Variants in KCNH5 observed in about 807,000 individuals in gnomAD.
KCNH5 encodes the protein voltage-gated delayed rectifier potassium channel KCNH5.
Under a neutral mutation model 96.1 loss-of-function variants are expected in KCNH5, and 46 were observed. The ratio of observed to expected loss-of-function variants is 0.48; its 90% CI spans 0.38 to 0.61. The LOEUF (loss-of-function observed/expected upper bound fraction) is 0.61, where lower values mean the gene tolerates loss of function less well. KCNH5 is among the 20% of genes least tolerant of loss of function. The pLI is 0.00. For missense variants in KCNH5, 907 were observed against 1,225.8 expected (o/e 0.74, Z 3.88); for synonymous variants, 439 against 449.8 (o/e 0.98, Z 0.30).
chr14:62,993,228 T>C (rs771550377), intron 4 of KCNH5, among the ~76,000 whole-genome samples: 9 of 152,140 alleles, frequency 5.9e-5, no homozygotes, highest in Non-Finnish European at 1.3e-4. Flanking sequence ...CTTTGTAATA[T>C]AACTTGAAGT....
intron 8 of KCNH5, among the ~76,000 whole-genome samples, chr14:62,842,762 C>T (rs938514763): frequency 1.3e-5 from 2 of 152,104 alleles, no homozygotes; most frequent in African/African-American, 2.4e-5. Context: ...TGGAAAAGCC[C>T]TTTCATGTCA....
At chr14:62,896,806 G>T (rs567853774) in intron 7 of KCNH5, among the ~76,000 whole-genome samples, 1 of 152,070 alleles carries the variant, frequency 6.6e-6, no homozygotes, top group Non-Finnish European at 1.5e-5. Context: ...TAATCTCAAC[G>T]GAATATTTAG....
intron 2 of KCNH5, among the ~76,000 whole-genome samples, chr14:63,015,378 T>C (rs1203884284): frequency 6.6e-6 from 1 of 152,042 alleles, no homozygotes; most frequent in Non-Finnish European, 1.5e-5. Context: ...ATATAAAATA[T>C]CTACATTTCA....
intron 7 of KCNH5, among the ~76,000 whole-genome samples, chr14:62,946,242 C>T (rs773653608): frequency 8.6e-5 from 13 of 152,014 alleles, no homozygotes; most frequent in Non-Finnish European, 1.8e-4. Flanking sequence ...TAGGATGATT[C>T]CCAACTTCGG....
At chr14:62,963,721 A>G (rs1890255216) in intron 6 of KCNH5, among the ~76,000 whole-genome samples, 1 of 152,156 alleles carries the variant, frequency 6.6e-6, no homozygotes, top group Admixed American at 6.6e-5. Flanking sequence ...TGCTATTCTC[A>G]GCAAGAAACA....
In KCNH5 at chr14:62,812,801, G is replaced by T. The variant is rs1886899595; in HGVS notation, c.1570-10220C>A. Among the ~76,000 whole-genome samples, 5 of 152,012 alleles carry T rather than the reference G, an allele frequency of 3.3e-5. No individual in the cohort carries two copies. In the South Asian group the frequency reaches 8.3e-4, roughly 25 times the overall value. On this transcript the variant is annotated intron_variant, in intron 8 of 10. Transcript: ENST00000322893. Reference sequence around the variant, plus strand: ...TCTTCCATTATTTACACTTATCTATGTGTAGATACCATCGTTACAAAACTT... The same window carrying T: ...TCTTCCATTATTTACACTTATCTATTTGTAGATACCATCGTTACAAAACTT...
chr14:62,875,784 A>G (rs1182551785), intron 7 of KCNH5, among the ~76,000 whole-genome samples: 1 of 152,186 alleles, frequency 6.6e-6, no homozygotes, highest in East Asian at 1.9e-4. Context: ...TGGGAGGCCG[A>G]GGCAAGTGGA....
chr14:62,798,066 G>T (rs1402896712), intron 9 of KCNH5, among the ~76,000 whole-genome samples: 1 of 152,000 alleles, frequency 6.6e-6, no homozygotes, highest in Non-Finnish European at 1.5e-5. Flanking sequence ...ATCTTAATTC[G>T]AGTGCTAAAG....
chr14:63,040,232 T>A (rs4127781), intron 1 of KCNH5, among the ~76,000 whole-genome samples: 1 of 152,172 alleles, frequency 6.6e-6, no homozygotes, highest in South Asian at 2.1e-4. Context: ...GTAAGTCAGT[T>A]ACAAGGTGCC....
At chr14:62,778,973 GA>G (rs776154998) in intron 10 of KCNH5, among the ~76,000 whole-genome samples, 8 of 152,212 alleles carry the variant, frequency 5.3e-5, no homozygotes, top group Non-Finnish European at 1.2e-4. Context: ...GCAGGTTATA[GA>G]AAGGAATGAC....
chr14:62,965,448 T>C lies in KCNH5; in HGVS notation c.943-14889A>G, dbSNP rs80103099. ...TTTGGGTTTTGTCTCTCCTCATATG[T>C]CTGCTTGTCCTTTGACTTTCTCCAC... On this transcript the variant is annotated intron_variant, in intron 6 of 10. Transcript: ENST00000322893. Among the ~76,000 whole-genome samples, 646 of 152,234 alleles carry C rather than the reference T, an allele frequency of 4.2e-3. 5 individuals are homozygous for C. The highest frequency in any genetic ancestry group is 0.015 in the African/African-American group (611 of 41,544).
In KCNH5 at chr14:62,749,325, C is replaced by T. The variant is rs539634960; in HGVS notation, c.2019+30403G>A. On this transcript the variant is annotated intron_variant, in intron 10 of 10. Coordinates refer to ENST00000322893, the MANE Select transcript of KCNH5 (RefSeq NM_139318.5). ...GATCAGTCTCTTGTGTTCCATTGGC[C>T]TGTGGGACTTCATAAGAAATGAGTT... 9.8e-5 allele frequency among the ~76,000 whole-genome samples: 15 copies of T among 152,312 alleles called. No homozygotes were observed. The South Asian group carries it at 1.7e-3, about 17-fold the overall frequency.
At chr14:62,723,731 C>A (rs964947924) in intron 10 of KCNH5, among the ~76,000 whole-genome samples, 1 of 152,162 alleles carries the variant, frequency 6.6e-6, no homozygotes, top group Non-Finnish European at 1.5e-5. Flanking sequence ...GCCACTTTGA[C>A]CTTCTAAGCA....
At chr14:62,990,943 T>G (rs1028425654) in intron 4 of KCNH5, among the ~76,000 whole-genome samples, 2 of 151,982 alleles carry the variant, frequency 1.3e-5, no homozygotes, top group African/African-American at 4.8e-5. Context: ...TCTCAGAGAA[T>G]TTACTCACTA....
chr14:62,846,146 GTTTT>G lies in KCNH5; in HGVS notation c.1569+3503_1569+3506del, dbSNP rs1256436293. ...TGTTTCTATGTCTTTTTGTTTGTTT[GTTTT>G]TTTAAGTTTTAACTCTTTGTTCCAA... On this transcript the variant is annotated intron_variant, in intron 8 of 10. Coordinates refer to ENST00000322893, the MANE Select transcript of KCNH5 (RefSeq NM_139318.5). Among the ~76,000 whole-genome samples, 8 of 151,894 alleles carry G rather than the reference GTTTT, an allele frequency of 5.3e-5. No individual in the cohort carries two copies. In the South Asian group the frequency reaches 1.7e-3, roughly 32 times the overall value.
At chr14:62,748,044 G>T (rs1885415832) in intron 10 of KCNH5, among the ~76,000 whole-genome samples, 1 of 152,178 alleles carries the variant, frequency 6.6e-6, no homozygotes, top group Non-Finnish European at 1.5e-5. Context: ...CTGGTTACAG[G>T]AAAGGGGTCC....
chr14:62,877,094 C>T (rs1216749611), intron 7 of KCNH5, among the ~76,000 whole-genome samples: 1 of 152,118 alleles, frequency 6.6e-6, no homozygotes, highest in African/African-American at 2.4e-5. Context: ...ATCTATATCT[C>T]TGGATTCCCT....
intron 7 of KCNH5, chr14:62,949,927 G>T: frequency 4.0e-6 from 2 of 501,028 alleles, no homozygotes; most frequent in East Asian, 3.8e-5. Flanking sequence ...ACATTAATAT[G>T]TTTTTCACAC....
chr14:62,844,122 G>A (rs941294969), intron 8 of KCNH5, among the ~76,000 whole-genome samples: 2 of 151,462 alleles, frequency 1.3e-5, no homozygotes, highest in African/African-American at 4.9e-5. Flanking sequence ...AATTCTGCTG[G>A]GACATTTCAT....
Sources: allele counts gnomAD v4.1 joint callset (sites outside exome capture counted in the v4.1 genomes callset), GRCh38; gene constraint gnomAD v4.1.1; transcripts MANE v1.5; gene names NCBI Gene and HGNC (gene_info 2026-07-23, HGNC 2026-07-21).